Variants in CDH8 observed in about 807,000 individuals in gnomAD.
CDH8 encodes cadherin 8.
CDH8 carries 17 observed loss-of-function variants against 68.1 expected under a neutral mutation model. That is an observed-to-expected ratio of 0.25 (90% CI 0.17 to 0.37). The LOEUF (loss-of-function observed/expected upper bound fraction) is 0.37. Ranked by LOEUF, CDH8 falls within the 10% of genes least tolerant of loss-of-function variation. CDH8 has a pLI of 1.00. For synonymous variants in CDH8, 372 were observed against 365.1 expected, an observed-to-expected ratio of 1.02 and a Z score of -0.21; for missense variants, 763 against 999.3, an observed-to-expected ratio of 0.76 and a Z score of 3.19.
At chr16:61,832,295 T>G (rs1438172664) in intron 4 of CDH8, among the ~76,000 whole-genome samples, 2 of 151,288 alleles carry the variant, frequency 1.3e-5, no homozygotes, top group Admixed American at 6.6e-5. Flanking sequence ...ATGATTTAGA[T>G]AGATGGGGAG....
chr16:61,767,690 G>T (rs1008984110), intron 8 of CDH8, among the ~76,000 whole-genome samples: 2 of 151,852 alleles, frequency 1.3e-5, no homozygotes, highest in Non-Finnish European at 2.9e-5. Flanking sequence ...CAATTTGGTA[G>T]GAACAGAAAT....
At chr16:61,912,227 A>T (rs547643747) in intron 2 of CDH8, among the ~76,000 whole-genome samples, 66 of 151,504 alleles carry the variant, frequency 4.4e-4, no homozygotes, top group East Asian at 7.7e-4. Context: ...TGAGGTTTTT[A>T]AAAAAAAAGA....
intron 10 of CDH8, among the ~76,000 whole-genome samples, chr16:61,703,842 A>G (rs11642963): frequency 0.21 from 31,228 of 152,112 alleles, 3,758 homozygotes; most frequent in African/African-American, 0.32. Context: ...ATAAAAAAAA[A>G]AAGTTTTCAT....
chr16:61,861,388 T>C (rs1207409109), intron 3 of CDH8, among the ~76,000 whole-genome samples: 1 of 152,184 alleles, frequency 6.6e-6, no homozygotes, highest in Non-Finnish European at 1.5e-5. Flanking sequence ...AACTGTTTCC[T>C]GTTAAATGGA....
intron 2 of CDH8, among the ~76,000 whole-genome samples, chr16:61,983,116 A>C (rs1445377602): frequency 6.6e-6 from 1 of 152,212 alleles, no homozygotes; most frequent in Non-Finnish European, 1.5e-5. Flanking sequence ...GTATATATAC[A>C]TACTACAGCA....
intron 8 of CDH8, among the ~76,000 whole-genome samples, chr16:61,763,682 G>A (rs528032215): frequency 3.3e-5 from 5 of 152,104 alleles, no homozygotes; most frequent in African/African-American, 1.2e-4. Flanking sequence ...TTATATCTAG[G>A]GTTTAACTTC....
At chr16:62,027,665 C>T (rs758123061) in intron 1 of CDH8, among the ~76,000 whole-genome samples, 12 of 152,104 alleles carry the variant, frequency 7.9e-5, no homozygotes, top group African/African-American at 1.2e-4. Context: ...TGGTATTTCA[C>T]GAAAGCAGGG....
chr16:61,881,589 C>T (rs950427899), intron 3 of CDH8, among the ~76,000 whole-genome samples: 1 of 152,188 alleles, frequency 6.6e-6, no homozygotes, highest in African/African-American at 2.4e-5. Context: ...AAGCAGCATA[C>T]TGACTAAGGT....
At position 61,799,086 on chromosome 16, in the gene CDH8, C is replaced by T. The variant is rs561705096; in HGVS notation, c.1278-9604G>A. ...TGATGACCTTGATCCTCACTGCTTA[C>T]CCCCAGGACACAAGAAGCCCAATCG... On this transcript the variant is annotated intron_variant, in intron 7 of 11. Coordinates refer to ENST00000577390, the MANE Select transcript of CDH8 (RefSeq NM_001796.5). Among the ~76,000 whole-genome samples, 7 of 152,190 alleles carry T rather than the reference C, an allele frequency of 4.6e-5. No homozygotes were observed. In the South Asian group the frequency reaches 1.2e-3, roughly 27 times the overall value.
In CDH8 at chr16:61,943,200, C is replaced by T. The variant is rs546137862; in HGVS notation, c.253-41727G>A. ...CTTCTGTATTTCCTTATTCTCCAAC[C>T]TGAGACACTAGAATATAAACTTCAT... On this transcript the variant is annotated intron_variant, in intron 2 of 11. Transcript: ENST00000577390. 4.6e-5 allele frequency among the ~76,000 whole-genome samples: 7 copies of T among 152,310 alleles called. No individual in the cohort carries two copies. The East Asian group carries it at 1.2e-3, about 25-fold the overall frequency.
chr16:61,931,724 G>A (rs1313565730), intron 2 of CDH8, among the ~76,000 whole-genome samples: 2 of 152,126 alleles, frequency 1.3e-5, no homozygotes, highest in South Asian at 2.1e-4. Context: ...AATTGTAAAT[G>A]TTAAGCAAAA....
chr16:61,655,604 G>A lies in CDH8; in HGVS notation c.1772C>T (p.Thr591Ile). 1 of 1,614,194 alleles carries A rather than the reference G, an allele frequency of 6.2e-7. No individual in the cohort carries two copies. Among genetic ancestry groups the A allele is most frequent in the Non-Finnish European group, 8.5e-7 (1 of 1,180,026 alleles). The change falls in exon 11 of 12, where the codon ACC becomes ATC. Residue 591 changes from threonine (T) to isoleucine (I), a missense_variant. Coordinates refer to ENST00000577390, the MANE Select transcript of CDH8 (RefSeq NM_001796.5). Reference protein sequence around the residue: ...SGNPPLSSTSTLTIRVCGCSN... With the variant: ...SGNPPLSSTSILTIRVCGCSN... ...GCAGCCACAGACCCTGATTGTCAAG[G>A]TGCTAGTGCTGCTCAGTGGAGGATT...
At chr16:61,969,505 T>G (rs986567472) in intron 2 of CDH8, among the ~76,000 whole-genome samples, 4 of 152,224 alleles carry the variant, frequency 2.6e-5, no homozygotes, top group Non-Finnish European at 5.9e-5. Context: ...CCGATGCCTC[T>G]CCCAGCTCTA....
intron 2 of CDH8, among the ~76,000 whole-genome samples, chr16:61,939,818 G>A (rs372990228): frequency 3.9e-5 from 6 of 152,250 alleles, no homozygotes; most frequent in African/African-American, 1.2e-4. Flanking sequence ...TGTCACTAAC[G>A]GACTATCTGC....
chr16:61,781,573 C>T (rs1596961732), intron 8 of CDH8, among the ~76,000 whole-genome samples: 1 of 152,058 alleles, frequency 6.6e-6, no homozygotes, highest in East Asian at 1.9e-4. Flanking sequence ...GATATAGTGC[C>T]TGGGCAAAAG....
intron 1 of CDH8, among the ~76,000 whole-genome samples, chr16:62,025,225 C>T (rs1902169264): frequency 6.6e-6 from 1 of 152,190 alleles, no homozygotes; most frequent in Non-Finnish European, 1.5e-5. Context: ...CTGAATGAAT[C>T]AGCATCTAAG....
chr16:61,690,306 A>G (rs537567631), intron 10 of CDH8, among the ~76,000 whole-genome samples: 1 of 152,174 alleles, frequency 6.6e-6, no homozygotes, highest in African/African-American at 2.4e-5. Context: ...CCTTGTTGCA[A>G]TTCTGTCACT....
chr16:61,673,941 A>G (rs1963845559), intron 10 of CDH8, among the ~76,000 whole-genome samples: 1 of 152,148 alleles, frequency 6.6e-6, no homozygotes. Context: ...ACCAAGCTAC[A>G]CACATATAGA....
chr16:61,821,448 G>A (rs1357790298), intron 5 of CDH8, among the ~76,000 whole-genome samples: 3 of 151,946 alleles, frequency 2.0e-5, no homozygotes, highest in Non-Finnish European at 2.9e-5. Flanking sequence ...CCTTTTTGCT[G>A]TATAATCACA....
Sources: gnomAD v4.1 joint callset for allele counts (sites outside exome capture counted in the v4.1 genomes callset) on GRCh38, gnomAD v4.1.1 for gene constraint, MANE v1.5 for transcripts, NCBI Gene and HGNC (gene_info 2026-07-23, HGNC 2026-07-21) for gene names.